The following CHRNB4 variants were observed in gnomAD, a reference collection of about 807,000 sequenced individuals.
CHRNB4 encodes the protein cholinergic receptor nicotinic beta 4 subunit, also known as neuronal acetylcholine receptor subunit beta-4.
CHRNB4 carries 23 observed loss-of-function variants against 40.4 expected under a neutral mutation model. The ratio of observed to expected loss-of-function variants is 0.57; its 90% CI spans 0.41 to 0.81. CHRNB4 has a LOEUF of 0.81. Ranked by LOEUF, CHRNB4 falls within the 30% of genes least tolerant of loss-of-function variation. CHRNB4 has a pLI of 0.00. For missense variants in CHRNB4, 568 were observed against 670.6 expected, an observed-to-expected ratio of 0.85 and a Z score of 1.69; for synonymous variants, 285 against 274.4, an observed-to-expected ratio of 1.04 and a Z score of -0.38.
At chr15:78,634,023 C>T (rs1356791725) in intron 2 of CHRNB4, among the ~76,000 whole-genome samples, 1 of 152,152 alleles carries the variant, frequency 6.6e-6, no homozygotes, top group Non-Finnish European at 1.5e-5. Context: ...TTTCCTTACC[C>T]AGCCCTAAAT....
At chr15:78,641,712 A>T (rs577413102), upstream of CHRNB4, among the ~76,000 whole-genome samples, 2 of 152,290 alleles carry the variant, frequency 1.3e-5, no homozygotes, top group East Asian at 3.9e-4. Flanking sequence ...TGGGAGGGTG[A>T]ATAGCTCAGG....
At chr15:78,635,967 G>T (rs959139097) in intron 1 of CHRNB4, among the ~76,000 whole-genome samples, 1 of 152,038 alleles carries the variant, frequency 6.6e-6, no homozygotes, top group Non-Finnish European at 1.5e-5. Flanking sequence ...GAGTGCGGTG[G>T]TGTGATCTCG....
At chr15:78,632,552 C>G (rs1323896092) in intron 2 of CHRNB4, among the ~76,000 whole-genome samples, 1 of 152,032 alleles carries the variant, frequency 6.6e-6, no homozygotes, top group African/African-American at 2.4e-5. Context: ...CTAAAGTGAT[C>G]CATGCATCTC....
At position 78,640,984 on chromosome 15, in the gene CHRNB4, C is replaced by A. The variant is rs2054059966; in HGVS notation, c.55+95G>T. 2.9e-6 allele frequency: 4 copies of A among 1,364,540 alleles called. No individual in the cohort carries two copies. In the South Asian group the frequency reaches 3.8e-5, roughly 13 times the overall value. 84.5% of individuals were successfully genotyped at this position (1,364,540 alleles called of 1,614,324 possible). A position where few individuals can be genotyped will look rare whatever the true frequency, so the allele number is the denominator to read the frequency against. ...GACAATCTCGGGCCACTCCCCCGGG[C>A]GCAGGGCACCCTCCCTTCCCTCCCA... On this transcript the variant is annotated intron_variant, in intron 1 of 5. Transcript: ENST00000261751.
chr15:78,631,309 G>C lies in CHRNB4; in HGVS notation c.228C>G (p.Thr76=), dbSNP rs2053805170. 1 of 1,614,064 alleles carries C rather than the reference G, an allele frequency of 6.2e-7. No homozygotes were observed. The highest frequency in any genetic ancestry group is 8.5e-7 in the Non-Finnish European group (1 of 1,180,002). Residue 76 remains threonine, a synonymous_variant, in exon 3 of 6, where the codon ACC becomes ACG. Transcript: ENST00000261751. ...ISVNEREQIM[T]TNVWLKQEWT... ...TTACCTGTTTCAGCCAGACATTGGT[G>C]GTCATGATCTGCTCTCGCTCATTCT... is the stretch of plus-strand genomic sequence containing the variant.
At chr15:78,646,697 A>G (rs1046960685) in intron 7 of CHRNB4, among the ~76,000 whole-genome samples, 1 of 152,232 alleles carries the variant, frequency 6.6e-6, no homozygotes, top group African/African-American at 2.4e-5. Flanking sequence ...TGGTGATCCC[A>G]TCACGAGAGC....
At chr15:78,653,659 G>A (rs2054190712) in intron 5 of CHRNB4, among the ~76,000 whole-genome samples, 1 of 152,188 alleles carries the variant, frequency 6.6e-6, no homozygotes, top group Admixed American at 6.5e-5. Context: ...CAGCTTTTGA[G>A]GTAGAGGCCA....
intron 1 of CHRNB4, among the ~76,000 whole-genome samples, chr15:78,638,104 C>T (rs532867446): frequency 7.2e-5 from 11 of 152,246 alleles, no homozygotes; most frequent in Admixed American, 2.0e-4. Flanking sequence ...TCCCATCCCC[C>T]AGCCCTGCAA....
intron 1 of CHRNB4, among the ~76,000 whole-genome samples, chr15:78,639,479 T>A (rs751524601): frequency 4.6e-5 from 7 of 152,078 alleles, no homozygotes; most frequent in Non-Finnish European, 5.9e-5. Flanking sequence ...TTTGTATTTT[T>A]AGTAGAGACG....
At position 78,629,712 on chromosome 15, in the gene CHRNB4, C is replaced by T. The variant is rs777835115; in HGVS notation, c.593G>A (p.Ser198Asn). The part of the protein sequence containing the change: ...PTASMDDFTP[S>N]GEWDIVALPG... ...GAGGGCCACTATGTCCCACTCACCA[C>T]TGGGAGTAAAGTCATCCATGCTGGC... The change falls in exon 5 of 6, where the codon AGT becomes AAT. Residue 198 changes from serine to asparagine, a missense_variant. Coordinates refer to ENST00000261751, the MANE Select transcript of CHRNB4 (RefSeq NM_000750.5). This position sits in a 1 kb window ranked among gnomAD's most constrained non-coding sequence, Gnocchi z 6.8. 7.4e-5 allele frequency: 120 copies of T among 1,614,020 alleles called. No homozygotes were observed. The highest frequency in any genetic ancestry group is 9.7e-5 in the Non-Finnish European group (115 of 1,180,032).
At position 78,629,225 on chromosome 15, in the gene CHRNB4, G is replaced by T. The variant is rs770227447; in HGVS notation, c.1080C>A (p.Phe360Leu). 6.2e-7 allele frequency: 1 copy of T among 1,613,646 alleles called. No homozygotes were observed. The highest frequency in any genetic ancestry group is 1.1e-5 in the South Asian group (1 of 91,062). ...PGPDSSPARAFPPSKSCVTKP... is the reference protein window; with the variant it reads ...PGPDSSPARALPPSKSCVTKP... ...TGGTCACGCATGACTTGCTGGGCGG[G>T]AAGGCTCTGGCCGGGCTGCTGTCGG... Residue 360 changes from phenylalanine to leucine, a missense_variant, in exon 5 of 6, where the codon TTC becomes TTA. Physicochemically the swap from Phe to Leu is conservative, Grantham distance 22. Transcript: ENST00000261751. This position sits in a 1 kb window ranked among gnomAD's most constrained non-coding sequence, Gnocchi z 6.8.
At chr15:78,655,349 G>C (rs530508106) in intron 5 of CHRNB4, among the ~76,000 whole-genome samples, 1 of 151,128 alleles carries the variant, frequency 6.6e-6, no homozygotes, top group South Asian at 2.1e-4. Flanking sequence ...CCTAGCAGCT[G>C]GGACTACAGC....
At chr15:78,658,738 G>C (rs1362885694) in intron 1 of CHRNB4, among the ~76,000 whole-genome samples, 1 of 152,086 alleles carries the variant, frequency 6.6e-6, no homozygotes. Context: ...ATTTTGAAGA[G>C]GGGGAAAAAA....
upstream of CHRNB4, chr15:78,661,142 G>C (rs1206119706): frequency 1.1e-5 from 7 of 622,784 alleles, no homozygotes; most frequent in Admixed American, 1.1e-4. Context: ...GGCGTTCCTG[G>C]GGCCTTGCCG....
intron 5 of CHRNB4, among the ~76,000 whole-genome samples, chr15:78,654,564 T>C (rs948053437): frequency 6.6e-6 from 1 of 152,146 alleles, no homozygotes; most frequent in Non-Finnish European, 1.5e-5. Context: ...GTTTTTCATC[T>C]GTTAAGTAGG....
intron 5 of CHRNB4, among the ~76,000 whole-genome samples, chr15:78,625,675 G>C (rs2053635303): frequency 6.6e-6 from 1 of 152,192 alleles, no homozygotes; most frequent in Admixed American, 6.5e-5. Flanking sequence ...CTCACTGCCT[G>C]AGCTGGTTCT....
chr15:78,631,237 G>A (rs756474226), intron 3 of CHRNB4, 51 bp downstream of exon 3: 31 of 1,612,664 alleles, frequency 1.9e-5, no homozygotes, highest in East Asian at 1.8e-4. Context: ...CCACCAAAGG[G>A]CAGCCCTAAA....
chr15:78,661,535 G>A (rs959026435), upstream of CHRNB4: 12 of 540,864 alleles, frequency 2.2e-5, no homozygotes, highest in Admixed American at 8.1e-5. Context: ...ACAGCCTCAG[G>A]TAGATATCCC....
chr15:78,631,270 G>T lies in CHRNB4; in HGVS notation c.249+18C>A. 1 of 1,613,950 alleles carries T rather than the reference G, an allele frequency of 6.2e-7. No individual in the cohort carries two copies. ...AAAGAAAAGATCTCTGGGGCTCAGG[G>T]CCCTTCAGGGCACTTACCTGTTTCA... On this transcript the variant is annotated intron_variant, in intron 3 of 5. Coordinates refer to ENST00000261751, the MANE Select transcript of CHRNB4 (RefSeq NM_000750.5).
Sources: gnomAD v4.1 joint callset for allele counts (sites outside exome capture counted in the v4.1 genomes callset) on GRCh38, gnomAD v4.1.1 for gene constraint, Gnocchi (gnomAD v3.1) non-coding constraint, MANE v1.5 for transcripts, NCBI Gene and HGNC (gene_info 2026-07-23, HGNC 2026-07-21) for gene names.